KCNH1: variants seen among roughly 807,000 people sequenced by gnomAD.
KCNH1 encodes potassium voltage-gated channel subfamily H member 1, also known as voltage-gated delayed rectifier potassium channel KCNH1.
A neutral mutation model predicts 69.2 loss-of-function variants in KCNH1; 27 were observed. The observed-to-expected ratio is 0.39, with a 90% CI of 0.29 to 0.54. The LOEUF is 0.54. KCNH1 is among the 20% of genes least tolerant of loss of function. The probability of loss-of-function intolerance (pLI) is 0.68; values close to 1 mark genes in which losing one functional copy is unlikely to be tolerated. For synonymous variants in KCNH1, 456 were observed against 487.7 expected (o/e 0.93, Z 0.86); for missense variants, 798 against 1,261.6 (o/e 0.63, Z 5.57).
In KCNH1 at chr1:210,683,452, C is replaced by T; in HGVS notation, c.2799G>A (p.Leu933=). The T allele has an allele frequency of 1.2e-6, 2 of 1,614,174 alleles. No homozygotes were observed. The highest frequency in any genetic ancestry group is 1.7e-6 in the Non-Finnish European group (2 of 1,180,034). Residue 933 remains leucine, a synonymous_variant, in exon 11 of 11, where the codon CTG becomes CTA. Transcript: ENST00000271751. The surrounding 1 kb of genome is among the most constrained non-coding windows in gnomAD (Gnocchi z 5.7). Reference sequence around the variant, plus strand: ...CGTTTAAGGCCTTGATGTCCTCCTTCAGCTCGTGCCTCACCTCCAGGACTG... The same window carrying T: ...CGTTTAAGGCCTTGATGTCCTCCTTTAGCTCGTGCCTCACCTCCAGGACTG... ...QATVLEVRHE[L]KEDIKALNAK... is the part of the protein sequence containing the mutation.
intron 10 of KCNH1, among the ~76,000 whole-genome samples, chr1:210,690,462 T>G (rs917272947): frequency 6.6e-6 from 1 of 152,108 alleles, no homozygotes; most frequent in Non-Finnish European, 1.5e-5. Flanking sequence ...TTCCTCGTGG[T>G]TTCCTCACCC....
At chr1:210,999,506 A>G (rs1053196676) in intron 6 of KCNH1, among the ~76,000 whole-genome samples, 2 of 152,232 alleles carry the variant, frequency 1.3e-5, no homozygotes, top group South Asian at 2.1e-4. Context: ...AGGCTCTGAA[A>G]TTGAGGCAAT....
rs368086421 is a variant in KCNH1, at chr1:210,683,421, T to C, written c.2830A>G (p.Met944Val). ...GAGAGCTGTTTCTCAATATTGGTCA[T>C]TTTGGCGTTTAAGGCCTTGATGTCC... The part of the protein sequence containing the change: ...KEDIKALNAK[M>V]TNIEKQLSEI... The change falls in exon 11 of 11, where the codon ATG (methionine) becomes GTG (valine). Residue 944 changes from methionine to valine, a missense_variant. This residue lies in a region of KCNH1 where 331 missense variants were observed against 363.2 expected (regional missense o/e 0.91). Coordinates refer to ENST00000271751, the MANE Select transcript of KCNH1 (RefSeq NM_172362.3). This position sits in a 1 kb window ranked among gnomAD's most constrained non-coding sequence, Gnocchi z 5.7. The C allele has an allele frequency of 5.0e-6, 8 of 1,614,032 alleles. No individual in the cohort carries two copies. The highest frequency in any genetic ancestry group is 6.8e-6 in the Non-Finnish European group (8 of 1,180,036).
chr1:210,916,229 TG>T (rs1192383856), intron 7 of KCNH1, among the ~76,000 whole-genome samples: 1 of 152,326 alleles, frequency 6.6e-6, no homozygotes, highest in East Asian at 1.9e-4. Flanking sequence ...GCAGTTGTCC[TG>T]AACAAACATT....
At chr1:211,031,426 C>A (rs1445270149) in intron 5 of KCNH1, among the ~76,000 whole-genome samples, 4 of 152,150 alleles carry the variant, frequency 2.6e-5, no homozygotes, top group Non-Finnish European at 5.9e-5. Flanking sequence ...CAAAGCCGGA[C>A]AGAGACACAA....
At chr1:210,848,588 G>A (rs145819108) in intron 7 of KCNH1, among the ~76,000 whole-genome samples, 13 of 152,160 alleles carry the variant, frequency 8.5e-5, no homozygotes, top group African/African-American at 2.7e-4. Context: ...AATTTGCACT[G>A]AGCCATAAGT....
At chr1:210,703,645 A>C (rs2149012309) in intron 10 of KCNH1, among the ~76,000 whole-genome samples, 1 of 152,338 alleles carries the variant, frequency 6.6e-6, no homozygotes, top group South Asian at 2.1e-4. Flanking sequence ...ATGCTACAAA[A>C]GACAAGATTA....
chr1:210,860,195 G>A, intron 7 of KCNH1: 1 of 1,280,230 alleles, frequency 7.8e-7, no homozygotes, highest in Non-Finnish European at 1.1e-6. Flanking sequence ...TAATTATAAA[G>A]GAGGGGCATC....
chr1:211,058,978 A>C (rs1490125442), intron 5 of KCNH1, among the ~76,000 whole-genome samples: 1 of 152,190 alleles, frequency 6.6e-6, no homozygotes, highest in Admixed American at 6.5e-5. Flanking sequence ...CAAGACAAAA[A>C]CTATAAAAAG....
chr1:211,025,728 C>T (rs906462833), intron 5 of KCNH1, among the ~76,000 whole-genome samples: 4 of 152,188 alleles, frequency 2.6e-5, no homozygotes, highest in Non-Finnish European at 5.9e-5. Flanking sequence ...CTCCTGGCTT[C>T]GACAGAATCC....
intron 10 of KCNH1, among the ~76,000 whole-genome samples, chr1:210,703,095 A>C (rs944282110): frequency 4.6e-5 from 7 of 152,132 alleles, no homozygotes; most frequent in Non-Finnish European, 1.0e-4. Context: ...AGCCCTTTCT[A>C]ACTAACTAAG....
chr1:211,010,924 C>T (rs1171958768), intron 6 of KCNH1, among the ~76,000 whole-genome samples: 2 of 152,120 alleles, frequency 1.3e-5, no homozygotes, highest in Admixed American at 1.3e-4. Context: ...GGTGAGTCAA[C>T]AGAGGGGAGT....
chr1:211,039,283 C>T (rs1245475876), intron 5 of KCNH1, among the ~76,000 whole-genome samples: 1 of 152,194 alleles, frequency 6.6e-6, no homozygotes, highest in African/African-American at 2.4e-5. Flanking sequence ...GCCTAGATTT[C>T]AGAAGATACA....
At position 211,133,970 on chromosome 1, in the gene KCNH1, G is replaced by T; in HGVS notation, c.-25C>A. 2 of 1,599,764 alleles carry T rather than the reference G, an allele frequency of 1.3e-6. No individual in the cohort carries two copies. Among genetic ancestry groups the T allele is most frequent in the African/African-American group, 1.3e-5 (1 of 74,234 alleles). ...TCCTCCCAGCAGCTCGGGGTCCGGC[G>T]GGCGTCCTGGCGCGGCTTCTTACGA... On this transcript the variant is annotated 5_prime_UTR_variant, in exon 1 of 11. Transcript: ENST00000271751. This position sits in a 1 kb window ranked among gnomAD's most constrained non-coding sequence, Gnocchi z 5.4.
intron 5 of KCNH1, among the ~76,000 whole-genome samples, chr1:211,078,575 A>T (rs1378930347): frequency 2.0e-5 from 3 of 152,234 alleles, no homozygotes; most frequent in African/African-American, 7.2e-5. Context: ...ACCAATGAGA[A>T]CAAAGACACA....
At chr1:210,958,891 G>T (rs2102354184) in intron 6 of KCNH1, among the ~76,000 whole-genome samples, 1 of 152,244 alleles carries the variant, frequency 6.6e-6, no homozygotes, top group South Asian at 2.1e-4. Context: ...GTTATTACCG[G>T]CCTTCTGAAG....
At chr1:211,070,644 C>A (rs183644452) in intron 5 of KCNH1, among the ~76,000 whole-genome samples, 3 of 150,780 alleles carry the variant, frequency 2.0e-5, no homozygotes, top group African/African-American at 7.3e-5. Context: ...GCCAACATGG[C>A]GAAACCCCGT....
At chr1:211,020,404 C>T (rs1464453005) in intron 5 of KCNH1, among the ~76,000 whole-genome samples, 3 of 151,654 alleles carry the variant, frequency 2.0e-5, no homozygotes, top group African/African-American at 7.3e-5. Flanking sequence ...AATTCCTGGA[C>T]ACATACAACC....
chr1:211,025,966 G>A (rs1020858447), intron 5 of KCNH1, among the ~76,000 whole-genome samples: 1 of 152,160 alleles, frequency 6.6e-6, no homozygotes, highest in Admixed American at 6.5e-5. Flanking sequence ...GGCTTCTAGA[G>A]TTCAGGGCCT....
Sources: gnomAD v4.1 joint callset for allele counts (sites outside exome capture counted in the v4.1 genomes callset) on GRCh38, gnomAD v4.1.1 for gene constraint, gnomAD v4.1.1 regional missense constraint, Gnocchi (gnomAD v3.1) non-coding constraint, MANE v1.5 for transcripts, NCBI Gene and HGNC (gene_info 2026-07-23, HGNC 2026-07-21) for gene names.